Variants in DCLK1 observed in about 807,000 individuals in gnomAD.
DCLK1 encodes doublecortin like kinase 1, also known as serine/threonine-protein kinase DCLK1.
A neutral mutation model predicts 86.2 loss-of-function variants in DCLK1; 16 were observed. The ratio of observed to expected loss-of-function variants is 0.19; its 90% CI spans 0.13 to 0.28. DCLK1 has a LOEUF of 0.28. Among genes scored for constraint, DCLK1 ranks in the 10% least tolerant of loss-of-function variants. The pLI, the probability that DCLK1 is intolerant of heterozygous loss-of-function variation, is 1.00. For synonymous variants in DCLK1, 369 were observed against 370.5 expected (o/e 1.00, Z 0.05); for missense variants, 590 against 940.2 (o/e 0.63, Z 4.87).
chr13:36,046,701 C>A (rs1882926727), intron 3 of DCLK1, among the ~76,000 whole-genome samples: 1 of 152,184 alleles, frequency 6.6e-6, no homozygotes, highest in South Asian at 2.1e-4. Flanking sequence ...TTTCATTTCC[C>A]ATTTTTAGTA....
At chr13:35,801,362 G>A (rs1734461858) in intron 15 of DCLK1, among the ~76,000 whole-genome samples, 1 of 152,032 alleles carries the variant, frequency 6.6e-6, no homozygotes, top group South Asian at 2.1e-4. Flanking sequence ...TTCAGATGAA[G>A]AAAAAATCCG....
chr13:36,055,779 A>AT (rs1883283604), intron 3 of DCLK1, among the ~76,000 whole-genome samples: 1 of 151,874 alleles, frequency 6.6e-6, no homozygotes, highest in Admixed American at 6.6e-5. Flanking sequence ...TTTTATTTCT[A>AT]TTTTTAAGCA....
chr13:36,014,922 C>T (rs1015367468), intron 3 of DCLK1, among the ~76,000 whole-genome samples: 1 of 152,098 alleles, frequency 6.6e-6, no homozygotes, highest in Admixed American at 6.6e-5. Context: ...TCTCATCCTT[C>T]AGATCCTGGC....
chr13:35,974,283 A>C (rs896345202), intron 3 of DCLK1, among the ~76,000 whole-genome samples: 4 of 152,174 alleles, frequency 2.6e-5, no homozygotes, highest in Non-Finnish European at 1.5e-5. Flanking sequence ...TGATTACTTT[A>C]AAATGAGGTC....
chr13:35,929,447 T>C (rs1241050858), intron 4 of DCLK1, among the ~76,000 whole-genome samples: 1 of 152,236 alleles, frequency 6.6e-6, no homozygotes, highest in African/African-American at 2.4e-5. Context: ...GTGGTCAGAT[T>C]TGTGGGATGT....
chr13:35,922,916 C>A (rs1875880950), intron 4 of DCLK1, among the ~76,000 whole-genome samples: 1 of 152,158 alleles, frequency 6.6e-6, no homozygotes, highest in South Asian at 2.1e-4. Flanking sequence ...TGTCTCAGCG[C>A]ACCCATCTGC....
At chr13:35,884,039 G>A (rs1873078825) in intron 4 of DCLK1, among the ~76,000 whole-genome samples, 1 of 152,114 alleles carries the variant, frequency 6.6e-6, no homozygotes, top group South Asian at 2.1e-4. Flanking sequence ...ACTCATTGGA[G>A]GTAGAACCTG....
rs2086348133 is a variant in DCLK1 at position 35,772,339 on chromosome 13, A to G, written c.*2196T>C. 1 of 152,248 alleles carries G rather than the reference A, an allele frequency of 6.6e-6. No homozygotes were observed. The highest frequency in any genetic ancestry group is 1.5e-5 in the Non-Finnish European group (1 of 68,106). 9.4% of individuals were successfully genotyped at this position (152,248 alleles called of 1,614,324 possible). On this transcript the variant is annotated 3_prime_UTR_variant, in exon 17 of 17. Coordinates refer to ENST00000360631, the MANE Select transcript of DCLK1 (RefSeq NM_001330071.2). ...TAGCAATATAGTTAATGCCCACAGAAAAAGCAGTAATTCAGAGAAAGAAAG... is the reference window on the plus strand; with the variant it reads ...TAGCAATATAGTTAATGCCCACAGAGAAAGCAGTAATTCAGAGAAAGAAAG...
chr13:35,797,204 G>C (rs1027886865), intron 15 of DCLK1, among the ~76,000 whole-genome samples: 1 of 152,176 alleles, frequency 6.6e-6, no homozygotes, highest in Non-Finnish European at 1.5e-5. Context: ...GGGAAAGATA[G>C]CTGGGTTTTC....
At chr13:35,843,484 A>G (rs1308266215) in intron 6 of DCLK1, among the ~76,000 whole-genome samples, 2 of 152,240 alleles carry the variant, frequency 1.3e-5, no homozygotes, top group African/African-American at 4.8e-5. Context: ...GAGAAAGCTG[A>G]CATAACAACC....
At chr13:35,946,365 T>C (rs1253556455) in intron 4 of DCLK1, among the ~76,000 whole-genome samples, 1 of 152,204 alleles carries the variant, frequency 6.6e-6, no homozygotes, top group Non-Finnish European at 1.5e-5. Flanking sequence ...ATAATATGTA[T>C]ATATGTGTAT....
In DCLK1 at chr13:36,057,104, A is replaced by C. The variant is rs78690905; in HGVS notation, c.723+54765T>G. 7.7e-3 allele frequency among the ~76,000 whole-genome samples: 1,176 copies of C among 152,112 alleles called. 16 individuals carry two copies. The highest frequency in any genetic ancestry group is 0.026 in the African/African-American group (1,095 of 41,502). Reference sequence around the variant, plus strand: ...CATATGAAATATAGTCAATATTTAAAATTTTATTATAGTGTAAAAGTAGTT... The same window carrying C: ...CATATGAAATATAGTCAATATTTAACATTTTATTATAGTGTAAAAGTAGTT... On this transcript the variant is annotated intron_variant, in intron 3 of 16. Transcript: ENST00000360631.
At chr13:35,801,701 A>C (rs1175851458) in intron 15 of DCLK1, among the ~76,000 whole-genome samples, 1 of 152,200 alleles carries the variant, frequency 6.6e-6, no homozygotes, top group African/African-American at 2.4e-5. Flanking sequence ...TAGAAGAGGC[A>C]GAAAGTTACT....
At chr13:36,005,480 T>C (rs1302617152) in intron 3 of DCLK1, among the ~76,000 whole-genome samples, 1 of 152,218 alleles carries the variant, frequency 6.6e-6, no homozygotes, top group Non-Finnish European at 1.5e-5. Context: ...AAACTATTAC[T>C]AACTTCATTT....
At chr13:36,098,293 T>C (rs1003803499) in intron 3 of DCLK1, among the ~76,000 whole-genome samples, 3 of 152,200 alleles carry the variant, frequency 2.0e-5, no homozygotes, top group African/African-American at 7.2e-5. Context: ...TAACAGAAAA[T>C]GTCTTCCAAC....
intron 3 of DCLK1, among the ~76,000 whole-genome samples, chr13:36,100,141 G>C (rs535929149): frequency 7.9e-6 from 1 of 125,810 alleles, no homozygotes; most frequent in African/African-American, 3.0e-5. Flanking sequence ...CCAGGTGTTC[G>C]AGGCCAGCCT....
At chr13:35,912,254 A>G (rs943223) in intron 4 of DCLK1, among the ~76,000 whole-genome samples, 52,169 of 151,980 alleles carry the variant, frequency 0.34, 9,945 homozygotes, top group African/African-American at 0.49. Context: ...AGACAGGGGT[A>G]GGTCCGTGGC....
intron 4 of DCLK1, among the ~76,000 whole-genome samples, chr13:35,894,635 C>T (rs1873843042): frequency 6.6e-6 from 1 of 152,188 alleles, no homozygotes; most frequent in Non-Finnish European, 1.5e-5. Flanking sequence ...GAAGACAACG[C>T]CAGAAGGTGC....
At chr13:36,029,009 C>G (rs1482872932) in intron 3 of DCLK1, among the ~76,000 whole-genome samples, 1 of 152,120 alleles carries the variant, frequency 6.6e-6, no homozygotes, top group Non-Finnish European at 1.5e-5. Context: ...CAGAAATAAC[C>G]ATAAAAATAG....
Sources: allele counts gnomAD v4.1 joint callset (sites outside exome capture counted in the v4.1 genomes callset), GRCh38; gene constraint gnomAD v4.1.1; transcripts MANE v1.5; gene names NCBI Gene and HGNC (gene_info 2026-07-23, HGNC 2026-07-21).